XPR1: variants seen among roughly 807,000 people sequenced by gnomAD.
XPR1 encodes the protein solute carrier family 53 member 1.
Under a neutral mutation model 87.5 loss-of-function variants are expected in XPR1, and 28 were observed. The observed-to-expected ratio is 0.32, with a 90% CI of 0.24 to 0.44. The LOEUF is 0.44. Among genes scored for constraint, XPR1 ranks in the 20% least tolerant of loss-of-function variants. The pLI, the probability that XPR1 is intolerant of heterozygous loss-of-function variation, is 1.00. For synonymous variants in XPR1, 300 were observed against 306.1 expected (o/e 0.98, Z 0.21); for missense variants, 559 against 862.3 (o/e 0.65, Z 4.41).
chr1:180,744,339 T>G (rs1659011188), intron 2 of XPR1, among the ~76,000 whole-genome samples: 1 of 152,170 alleles, frequency 6.6e-6, no homozygotes, highest in Non-Finnish European at 1.5e-5. Flanking sequence ...TAATTTAGAA[T>G]TTATTTTTAT....
chr1:180,718,727 G>A (rs1658080993), intron 2 of XPR1, among the ~76,000 whole-genome samples: 1 of 148,218 alleles, frequency 6.7e-6, no homozygotes, highest in Admixed American at 6.8e-5. Context: ...GGAGTGCAGT[G>A]GCGCAATCTC....
chr1:180,714,257 T>TCTC (rs35121491), intron 2 of XPR1, among the ~76,000 whole-genome samples: 66,978 of 151,132 alleles, frequency 0.44, 15,288 homozygotes, highest in Non-Finnish European at 0.47. Context: ...TTCTCATCCT[T>TCTC]CTCTAGCATC....
chr1:180,806,780 T>C (rs1455882674), intron 6 of XPR1, among the ~76,000 whole-genome samples: 3 of 152,204 alleles, frequency 2.0e-5, no homozygotes, highest in Non-Finnish European at 4.4e-5. Context: ...TTGTTTATTC[T>C]TACTGACATG....
intron 11 of XPR1, among the ~76,000 whole-genome samples, chr1:180,848,573 C>T (rs1325191437): frequency 6.6e-6 from 1 of 152,062 alleles, no homozygotes; most frequent in African/African-American, 2.4e-5. Context: ...TGGTTGGACA[C>T]TTATGTTGAT....
intron 1 of XPR1, among the ~76,000 whole-genome samples, chr1:180,649,270 A>G: frequency 8.2e-6 from 1 of 122,594 alleles, no homozygotes; most frequent in East Asian, 2.0e-4. Context: ...CTAAAAATAC[A>G]AAAAAAAAAA....
At chr1:180,726,797 T>C (rs772776326) in intron 2 of XPR1, among the ~76,000 whole-genome samples, 13 of 152,160 alleles carry the variant, frequency 8.5e-5, no homozygotes, top group Admixed American at 2.0e-4. Context: ...TTTTGTAAAA[T>C]AGAGTCATTT....
intron 2 of XPR1, among the ~76,000 whole-genome samples, chr1:180,705,196 T>A (rs1003722459): frequency 6.6e-6 from 1 of 152,126 alleles, no homozygotes; most frequent in African/African-American, 2.4e-5. Flanking sequence ...CTGTATTGAT[T>A]AAAATTTCAT....
intron 1 of XPR1, among the ~76,000 whole-genome samples, chr1:180,636,787 C>T (rs1388227329): frequency 3.9e-5 from 6 of 152,150 alleles, no homozygotes; most frequent in African/African-American, 9.7e-5. Flanking sequence ...CACGGTGGCT[C>T]ACGCCTGTAA....
chr1:180,829,113 T>C (rs1405037710), intron 9 of XPR1, among the ~76,000 whole-genome samples: 1 of 152,150 alleles, frequency 6.6e-6, no homozygotes, highest in Non-Finnish European at 1.5e-5. Flanking sequence ...GGAGGATCGC[T>C]TGAGTCCAGC....
At chr1:180,844,341 T>G (rs1558035940) in intron 11 of XPR1, among the ~76,000 whole-genome samples, 1 of 152,194 alleles carries the variant, frequency 6.6e-6, no homozygotes, top group Non-Finnish European at 1.5e-5. Context: ...TTATACATAA[T>G]TTTACATGAG....
chr1:180,744,234 C>T (rs1221473579), intron 2 of XPR1, among the ~76,000 whole-genome samples: 1 of 152,140 alleles, frequency 6.6e-6, no homozygotes, highest in African/African-American at 2.4e-5. Flanking sequence ...ACTCTTTGCT[C>T]TGTCATCTCT....
chr1:180,696,208 GTATATA>G (rs71121045), intron 2 of XPR1, among the ~76,000 whole-genome samples: 1,935 of 88,504 alleles, frequency 0.022, 31 homozygotes, highest in South Asian at 0.038. Context: ...GTGTGTGTGT[GTATATA>G]TATATATATA....
At chr1:180,833,001 G>A (rs1002499926) in intron 9 of XPR1, among the ~76,000 whole-genome samples, 6 of 152,284 alleles carry the variant, frequency 3.9e-5, no homozygotes, top group East Asian at 3.9e-4. Context: ...GAGCATGAGT[G>A]TTTTCCCATT....
chr1:180,703,406 G>A (rs1657429434), intron 2 of XPR1, among the ~76,000 whole-genome samples: 1 of 152,098 alleles, frequency 6.6e-6, no homozygotes, highest in Non-Finnish European at 1.5e-5. Flanking sequence ...TAACGCATGC[G>A]GGTGCCAGCA....
intron 7 of XPR1, among the ~76,000 whole-genome samples, chr1:180,823,732 A>G (rs187417040): frequency 1.2e-4 from 18 of 152,314 alleles, no homozygotes; most frequent in Admixed American, 1.1e-3. Context: ...TGTAGTGCTT[A>G]AGAGTATGAA....
At position 180,884,823 on chromosome 1, in the gene XPR1, C is replaced by G. The variant is rs1209772857; in HGVS notation, c.*757C>G. 1 of 152,622 alleles carries G rather than the reference C, an allele frequency of 6.6e-6. No homozygotes were observed. The highest frequency in any genetic ancestry group is 1.5e-5 in the Non-Finnish European group (1 of 68,042). The allele number at this position is 152,622 out of a possible 1,614,324, so 9.5% of individuals were successfully genotyped here. ...AGTCCCACATACCTCTTTCAGGAGA[C>G]AACTTGCACCAGTTTGACCTTTTCT... is the stretch of plus-strand genomic sequence containing the variant. On this transcript the variant is annotated 3_prime_UTR_variant, in exon 15 of 15. Transcript: ENST00000367590.
At chr1:180,789,565 C>T (rs1338881853) in intron 3 of XPR1, among the ~76,000 whole-genome samples, 1 of 152,072 alleles carries the variant, frequency 6.6e-6, no homozygotes, top group Non-Finnish European at 1.5e-5. Context: ...AGAATTATTT[C>T]CTACTCTTTT....
chr1:180,783,742 G>A lies in XPR1; in HGVS notation c.122-4011G>A, dbSNP rs559664475. 7.2e-5 allele frequency among the ~76,000 whole-genome samples: 11 copies of A among 151,974 alleles called. No individual in the cohort carries two copies. The South Asian group carries it at 2.3e-3, about 32-fold the overall frequency. ...CCACTCCCCTTTTGGACATCAGTTTGTTTCTTTTTCACTATTAAAAATAAT... is the reference window on the plus strand; with the variant it reads ...CCACTCCCCTTTTGGACATCAGTTTATTTCTTTTTCACTATTAAAAATAAT... On this transcript the variant is annotated intron_variant, in intron 2 of 14. Transcript: ENST00000367590.
At chr1:180,781,002 C>A (rs936959969) in intron 2 of XPR1, among the ~76,000 whole-genome samples, 5 of 151,832 alleles carry the variant, frequency 3.3e-5, no homozygotes, top group Non-Finnish European at 5.9e-5. Flanking sequence ...GAAACCATTG[C>A]CCCATCTGAG....
Sources: allele counts gnomAD v4.1 joint callset (sites outside exome capture counted in the v4.1 genomes callset), GRCh38; gene constraint gnomAD v4.1.1; transcripts MANE v1.5; gene names NCBI Gene and HGNC (gene_info 2026-07-23, HGNC 2026-07-21).